Variants in PDE1C observed in about 807,000 individuals in gnomAD.
PDE1C encodes the protein phosphodiesterase 1C.
In PDE1C, 62 loss-of-function variants were observed where a neutral mutation model predicts 93.1. The observed-to-expected ratio is 0.67, with a 90% CI of 0.54 to 0.82. PDE1C has a LOEUF of 0.82. PDE1C is among the 40% of genes least tolerant of loss of function. The probability of loss-of-function intolerance (pLI) is 0.00; values close to 1 mark genes in which losing one functional copy is unlikely to be tolerated. For missense variants in PDE1C, 742 were observed against 884.6 expected (o/e 0.84, Z 2.04); for synonymous variants, 325 against 310.1 (o/e 1.05, Z -0.50).
Position 31,753,406 on chromosome 7 carries a change from GA to G in PDE1C, c.2107del (p.Ser703HisfsTer54). ...RIKMKKIQNI[S>X]HNWNRK Reference sequence around the variant, plus strand: ...GGCCTATTTTCTGTTCCAGTTATGTGAGATGTTCTGAATCTTTTTCATTTTG... The same window carrying G: ...GGCCTATTTTCTGTTCCAGTTATGTGGATGTTCTGAATCTTTTTCATTTTG... On this transcript the variant is annotated frameshift_variant, in exon 18 of 18. Coordinates refer to ENST00000396191, the MANE Select transcript of PDE1C (RefSeq NM_001191057.4). LOFTEE classifies it high-confidence loss of function. 1 of 1,612,370 alleles carries G rather than the reference GA, an allele frequency of 6.2e-7. No homozygotes were observed. The highest frequency in any genetic ancestry group is 8.5e-7 in the Non-Finnish European group (1 of 1,179,640).
the PDE1C span, among the ~76,000 whole-genome samples, chr7:31,623,024 A>G: frequency 0.99 from 151,006 of 151,796 alleles, 75,110 homozygotes; most frequent in East Asian, 1. Flanking sequence ...TAAATTCCTC[A>G]ACACATACAC....
At chr7:32,039,843 T>C (rs1376768603) in intron 2 of PDE1C, among the ~76,000 whole-genome samples, 1 of 152,222 alleles carries the variant, frequency 6.6e-6, no homozygotes, top group East Asian at 1.9e-4. Context: ...TAGGTAACAA[T>C]GTGCAACAAT....
rs536200418 is a variant in PDE1C at position 31,879,024 on chromosome 7, C to T, written c.397G>A (p.Ala133Thr). ...EKPRFKSIVH[A>T]VQAGIFVERM... ...TCCACAAATATCCCAGCCTGCACTG[C>T]GTGAACGATGCTCTTGAACCGGGGC... is the stretch of plus-strand genomic sequence containing the variant. The change falls in exon 4 of 18, where the codon GCA (alanine) becomes ACA (threonine). Residue 133 changes from alanine (A) to threonine (T), a missense_variant. Physicochemically the swap from Ala to Thr is moderately conservative, Grantham distance 58. Around this residue, in one of 4 missense-constraint regions of PDE1C, gnomAD observed 205 missense variants for 295.3 expected, o/e 0.69. Transcript: ENST00000396191. 1.9e-6 allele frequency: 3 copies of T among 1,614,148 alleles called. No homozygotes were observed. The highest frequency in any genetic ancestry group is 1.1e-5 in the South Asian group (1 of 91,084).
At chr7:31,984,578 T>G (rs1209605199) in intron 2 of PDE1C, among the ~76,000 whole-genome samples, 1 of 152,150 alleles carries the variant, frequency 6.6e-6, no homozygotes, top group Non-Finnish European at 1.5e-5. Flanking sequence ...CCTTTTTATG[T>G]TTTTTGAACA....
intron 1 of PDE1C, among the ~76,000 whole-genome samples, chr7:32,307,514 A>G (rs1813038897): frequency 6.6e-6 from 1 of 152,202 alleles, no homozygotes; most frequent in Non-Finnish European, 1.5e-5. Flanking sequence ...AAAGAAAAGA[A>G]GGTTTGGTAA....
intron 3 of PDE1C, among the ~76,000 whole-genome samples, chr7:32,115,996 C>T (rs367548779): frequency 2.0e-5 from 3 of 152,178 alleles, no homozygotes; most frequent in Non-Finnish European, 2.9e-5. Context: ...GAGGTCTACT[C>T]AAGTATGAGA....
At chr7:32,099,896 G>A (rs1281179349) in intron 3 of PDE1C, among the ~76,000 whole-genome samples, 1 of 152,058 alleles carries the variant, frequency 6.6e-6, no homozygotes, top group African/African-American at 2.4e-5. Flanking sequence ...CACCCCTTCA[G>A]TGAGCTCCTC....
chr7:32,106,627 T>C lies in PDE1C; in HGVS notation c.308+63158A>G, dbSNP rs183767326. ...AGCCGCAGACCCCATTTAAGGAGTCTCTAGGAAAACTCAAAAACAACCAGA... is the reference window on the plus strand; with the variant it reads ...AGCCGCAGACCCCATTTAAGGAGTCCCTAGGAAAACTCAAAAACAACCAGA... On this transcript the variant is annotated intron_variant, in intron 3 of 18. Transcript: ENST00000396193. 3.3e-5 allele frequency among the ~76,000 whole-genome samples: 5 copies of C among 152,234 alleles called. No individual in the cohort carries two copies. In the East Asian group the frequency reaches 9.7e-4, roughly 29 times the overall value.
intron 2 of PDE1C, among the ~76,000 whole-genome samples, chr7:32,207,824 C>G (rs1158613912): frequency 6.6e-6 from 1 of 152,202 alleles, no homozygotes; most frequent in Middle Eastern, 3.2e-3. Context: ...TGCCTCAACT[C>G]TCATGCAAGG....
intron 1 of PDE1C, among the ~76,000 whole-genome samples, chr7:32,309,613 G>T (rs990178278): frequency 5.4e-4 from 82 of 152,322 alleles, no homozygotes; most frequent in African/African-American, 1.9e-3. Context: ...TTATAGAAAA[G>T]AATTTCCAAC....
chr7:31,759,685 A>G (rs1182249759), intron 17 of PDE1C, among the ~76,000 whole-genome samples: 1 of 152,236 alleles, frequency 6.6e-6, no homozygotes, highest in Non-Finnish European at 1.5e-5. Flanking sequence ...AAAAATTGAT[A>G]CATCACCGTC....
chr7:31,995,738 G>A (rs867635837), intron 2 of PDE1C, among the ~76,000 whole-genome samples: 4 of 152,116 alleles, frequency 2.6e-5, no homozygotes, highest in South Asian at 2.1e-4. Flanking sequence ...GCTGCTGAGA[G>A]CTGACGGGCC....
chr7:32,234,461 A>G (rs959206268), intron 1 of PDE1C, among the ~76,000 whole-genome samples: 1 of 151,980 alleles, frequency 6.6e-6, no homozygotes, highest in Non-Finnish European at 1.5e-5. Context: ...CAGACATTGA[A>G]AAGATAATAA....
intron 1 of PDE1C, among the ~76,000 whole-genome samples, chr7:32,276,820 A>G (rs566626224): frequency 6.6e-6 from 1 of 152,288 alleles, no homozygotes; most frequent in East Asian, 1.9e-4. Flanking sequence ...ACTACCACCA[A>G]CTGGAGAAAT....
Position 32,193,001 on chromosome 7 carries a change from T to C in PDE1C, c.136+16488A>G, listed in dbSNP as rs185774946. Among the ~76,000 whole-genome samples, 612 of 152,318 alleles carry C rather than the reference T, an allele frequency of 4.0e-3. 6 individuals carry two copies. Among genetic ancestry groups the C allele is most frequent in the Non-Finnish European group, 6.4e-3 (433 of 67,988 alleles). ...GAATTGATTTTGTATGTTTATCTTA[T>C]ATACTGTGACCGTGCTAGAACTCAT... is the stretch of plus-strand genomic sequence containing the variant. On this transcript the variant is annotated intron_variant, in intron 2 of 18. Transcript: ENST00000396193.
chr7:32,018,417 C>T (rs1353087661), intron 2 of PDE1C, among the ~76,000 whole-genome samples: 2 of 152,076 alleles, frequency 1.3e-5, no homozygotes, highest in Non-Finnish European at 2.9e-5. Context: ...ATGGAAACAA[C>T]CACAATGTCC....
intron 16 of PDE1C, chr7:31,789,960 T>G (rs1276835627): frequency 8.2e-7 from 1 of 1,218,172 alleles, no homozygotes; most frequent in East Asian, 3.6e-5. Context: ...GGATGCCCCT[T>G]CATGTTTTGT....
the PDE1C span, among the ~76,000 whole-genome samples, chr7:31,695,115 A>C: frequency 1.3e-5 from 2 of 151,048 alleles, no homozygotes; most frequent in Admixed American, 1.3e-4. Flanking sequence ...TTGAGCAAAA[A>C]GAATGGAGGC....
intron 1 of PDE1C, among the ~76,000 whole-genome samples, chr7:32,263,245 T>C (rs946724694): frequency 6.6e-5 from 10 of 152,186 alleles, no homozygotes; most frequent in Admixed American, 6.5e-5. Flanking sequence ...GTACAAACGA[T>C]ATCCATATAC....
Sources: gnomAD v4.1 joint callset for allele counts (sites outside exome capture counted in the v4.1 genomes callset) on GRCh38, gnomAD v4.1.1 for gene constraint, gnomAD v4.1.1 regional missense constraint, MANE v1.5 for transcripts, NCBI Gene and HGNC (gene_info 2026-07-23, HGNC 2026-07-21) for gene names.